KCNIP3: variants seen among roughly 807,000 people sequenced by gnomAD.
KCNIP3 encodes the protein potassium voltage-gated channel interacting protein 3.
KCNIP3 carries 28 observed loss-of-function variants against 35.0 expected under a neutral mutation model. That is an observed-to-expected ratio of 0.80 (90% CI 0.59 to 1.10). KCNIP3 has a LOEUF of 1.10. KCNIP3 is among the 50% of genes least tolerant of loss of function. The pLI is 0.00. For synonymous variants in KCNIP3, 134 were observed against 133.8 expected (o/e 1.00, Z -0.01); for missense variants, 295 against 338.4 (o/e 0.87, Z 1.01).
intron 2 of KCNIP3, among the ~76,000 whole-genome samples, chr2:95,363,644 A>G (rs575706119): frequency 4.6e-5 from 7 of 152,046 alleles, no homozygotes; most frequent in Admixed American, 4.6e-4. Context: ...TTTTTATTGG[A>G]ATTGCACTGA....
chr2:95,357,376 G>C (rs1052747201), intron 2 of KCNIP3, among the ~76,000 whole-genome samples: 3 of 152,182 alleles, frequency 2.0e-5, no homozygotes, highest in Non-Finnish European at 4.4e-5. Context: ...GACAGGGGTA[G>C]GGAGCCCCAT....
intron 2 of KCNIP3, among the ~76,000 whole-genome samples, chr2:95,373,363 G>C (rs1216671439): frequency 6.7e-6 from 1 of 149,356 alleles, no homozygotes; most frequent in East Asian, 2.0e-4. Context: ...AAAATCACCT[G>C]AAATTGCACC....
At position 95,310,379 on chromosome 2, in the gene KCNIP3, A is replaced by G; in HGVS notation, c.40A>G (p.Ser14Gly). Residue 14 changes from serine (S) to glycine (G), a missense_variant, in exon 2 of 9, where the codon AGC becomes GGC. By Grantham distance (56) the Ser-to-Gly change is moderately conservative. Transcript: ENST00000295225. ...AKEVTKASDG[S>G]LLGDLGHTPL... ...GGAAGTGACAAAGGCGTCGGACGGC[A>G]GCCTCCTGGGGGACCTCGGGCACAC... is the stretch of plus-strand genomic sequence containing the variant. The G allele has an allele frequency of 6.2e-7, 1 of 1,612,084 alleles. No individual in the cohort carries two copies. The highest frequency in any genetic ancestry group is 1.1e-5 in the South Asian group (1 of 90,966).
At chr2:95,383,089 G>C in intron 7 of KCNIP3, 143 bp from the exon 8 acceptor site, 1 of 724,402 alleles carries the variant, frequency 1.4e-6, no homozygotes, top group African/African-American at 1.7e-5. Flanking sequence ...GTAGTCACAG[G>C]GGACAAGTTA....
chr2:95,360,669 A>G (rs780159522), intron 2 of KCNIP3, among the ~76,000 whole-genome samples: 4 of 152,228 alleles, frequency 2.6e-5, no homozygotes, highest in African/African-American at 9.6e-5. Context: ...GGGAAGTCCA[A>G]GATCGAGGGC....
intron 2 of KCNIP3, among the ~76,000 whole-genome samples, chr2:95,318,057 CA>C (rs1236062662): frequency 8.5e-6 from 1 of 117,772 alleles, no homozygotes; most frequent in Non-Finnish European, 1.7e-5. Flanking sequence ...GTAGGGGTGA[CA>C]GGGGGCAGGG....
chr2:95,349,572 A>G (rs935108983), intron 2 of KCNIP3, among the ~76,000 whole-genome samples: 6 of 152,218 alleles, frequency 3.9e-5, no homozygotes, highest in African/African-American at 1.4e-4. Context: ...GTAATGGAGC[A>G]GGAAGCTCGC....
At position 95,384,080 on chromosome 2, in the gene KCNIP3, C is replaced by A; in HGVS notation, c.*31C>A. ...GTCCAAAGGAGTGCATGGCCACAGCCACCTCCACCCCCAAGAAACCTCCAT... is the reference window on the plus strand; with the variant it reads ...GTCCAAAGGAGTGCATGGCCACAGCAACCTCCACCCCCAAGAAACCTCCAT... On this transcript the variant is annotated 3_prime_UTR_variant, in exon 9 of 9. Coordinates refer to ENST00000295225, the MANE Select transcript of KCNIP3 (RefSeq NM_013434.5). The A allele has an allele frequency of 6.2e-7, 1 of 1,606,006 alleles. No homozygotes were observed. The highest frequency in any genetic ancestry group is 1.1e-5 in the South Asian group (1 of 90,870).
intron 5 of KCNIP3, among the ~76,000 whole-genome samples, chr2:95,375,814 G>A (rs377591302): frequency 3.7e-4 from 57 of 152,228 alleles, no homozygotes; most frequent in African/African-American, 1.3e-3. Flanking sequence ...CCCCATCTGC[G>A]GAGCCCAAGC....
chr2:95,328,672 C>T (rs1019014583), intron 2 of KCNIP3, among the ~76,000 whole-genome samples: 3 of 152,204 alleles, frequency 2.0e-5, no homozygotes, highest in South Asian at 2.1e-4. Context: ...GGGAGGGGCT[C>T]GGGTGCTATT....
intron 1 of KCNIP3, among the ~76,000 whole-genome samples, chr2:95,306,436 G>C (rs1422036349): frequency 6.6e-6 from 1 of 152,174 alleles, no homozygotes; most frequent in Non-Finnish European, 1.5e-5. Context: ...TTCCACTCTC[G>C]CAGAGCTGAT....
intron 2 of KCNIP3, among the ~76,000 whole-genome samples, chr2:95,332,276 C>T (rs1002741766): frequency 3.3e-5 from 5 of 152,214 alleles, no homozygotes; most frequent in Admixed American, 2.0e-4. Flanking sequence ...AACAGGAGAA[C>T]GTATTGATGA....
chr2:95,370,087 T>G (rs1169669052), intron 2 of KCNIP3, among the ~76,000 whole-genome samples: 1 of 152,232 alleles, frequency 6.6e-6, no homozygotes, highest in Non-Finnish European at 1.5e-5. Flanking sequence ...AGTTCTTTTC[T>G]AATAATTCTA....
At chr2:95,323,239 G>A (rs146232024) in intron 2 of KCNIP3, among the ~76,000 whole-genome samples, 32 of 152,368 alleles carry the variant, frequency 2.1e-4, no homozygotes, top group Admixed American at 5.2e-4. Flanking sequence ...CTGGCACCAG[G>A]TCCCTCCCCA....
rs1346785517 is a variant in KCNIP3 at position 95,374,876 on chromosome 2, A to T, written c.335A>T (p.Asp112Val). ...NECPTGLVDE[D>V]TFKLIYAQFF... ...TGTCCCACGGGCCTGGTGGACGAAG[A>T]CACCTTCAAACTCATTTACGCGCAG... Residue 112 changes from aspartate (D) to valine (V), a missense_variant, in exon 4 of 9, where the codon GAC becomes GTC. By Grantham distance (152) the Asp-to-Val change is radical. Coordinates refer to ENST00000295225, the MANE Select transcript of KCNIP3 (RefSeq NM_013434.5). The T allele has an allele frequency of 6.2e-7, 1 of 1,613,934 alleles. No individual in the cohort carries two copies. The highest frequency in any genetic ancestry group is 1.1e-5 in the South Asian group (1 of 91,086).
chr2:95,334,062 G>T (rs1558766449), intron 2 of KCNIP3, among the ~76,000 whole-genome samples: 1 of 151,882 alleles, frequency 6.6e-6, no homozygotes, highest in African/African-American at 2.4e-5. Flanking sequence ...TTCAAACAAA[G>T]AAATGCTTAT....
chr2:95,335,062 C>CT (rs1317646592), intron 2 of KCNIP3, among the ~76,000 whole-genome samples: 2 of 152,370 alleles, frequency 1.3e-5, no homozygotes, highest in South Asian at 2.1e-4. Flanking sequence ...CCTTCCAAGT[C>CT]TTTCCTGACC....
At chr2:95,335,448 A>G (rs1278955241) in intron 2 of KCNIP3, among the ~76,000 whole-genome samples, 1 of 152,178 alleles carries the variant, frequency 6.6e-6, no homozygotes, top group Non-Finnish European at 1.5e-5. Context: ...TGTGAAATCT[A>G]CCATCATTTT....
intron 2 of KCNIP3, among the ~76,000 whole-genome samples, chr2:95,369,538 T>C (rs540781094): frequency 6.6e-6 from 1 of 152,372 alleles, no homozygotes; most frequent in South Asian, 2.1e-4. Context: ...CCCCTTTTTA[T>C]CCTTTTAATG....
Sources: allele counts gnomAD v4.1 joint callset (sites outside exome capture counted in the v4.1 genomes callset), GRCh38; gene constraint gnomAD v4.1.1; transcripts MANE v1.5; gene names NCBI Gene and HGNC (gene_info 2026-07-23, HGNC 2026-07-21).